Variants in ZNF480 observed in about 807,000 individuals in gnomAD.
ZNF480 encodes the protein zinc finger protein 480.
Under a neutral mutation model 14.4 loss-of-function variants are expected in ZNF480, and 15 were observed. The observed-to-expected ratio is 1.04, with a 90% CI of 0.70 to 1.60. The LOEUF (loss-of-function observed/expected upper bound fraction) is 1.60. Among genes scored for constraint, ZNF480 ranks in the 40% most tolerant of loss-of-function variants. ZNF480 has a pLI of 0.00. For missense variants in ZNF480, 593 were observed against 629.7 expected, an observed-to-expected ratio of 0.94 and a Z score of 0.62; for synonymous variants, 218 against 215.5, an observed-to-expected ratio of 1.01 and a Z score of -0.10.
At chr19:52,305,369 A>G (rs1299918792) in intron 2 of ZNF480, among the ~76,000 whole-genome samples, 1 of 152,054 alleles carries the variant, frequency 6.6e-6, no homozygotes, top group Non-Finnish European at 1.5e-5. Context: ...TAGTAATTTG[A>G]TTCACCCAGT....
At chr19:52,312,721 T>C (rs903907975) in intron 2 of ZNF480, among the ~76,000 whole-genome samples, 4 of 152,176 alleles carry the variant, frequency 2.6e-5, no homozygotes, top group Non-Finnish European at 5.9e-5. Context: ...GGGCTTTTGT[T>C]GTTATAGGAG....
chr19:52,322,991 C>A lies in ZNF480; in HGVS notation c.*133C>A. The A allele has an allele frequency of 1.5e-6, 1 of 664,684 alleles. No individual in the cohort carries two copies. The highest frequency in any genetic ancestry group is 2.3e-6 in the Non-Finnish European group (1 of 431,914). The allele number at this position is 664,684 out of a possible 1,614,324, so 41.2% of individuals were successfully genotyped here. ...ACAAGGTCTTCAAACACAAGTTTTT[C>A]TAATAACTCATTAGAGAATTTATAC... On this transcript the variant is annotated 3_prime_UTR_variant, in exon 5 of 5. Coordinates refer to ENST00000595962, the MANE Select transcript of ZNF480 (RefSeq NM_144684.4).
chr19:52,322,625 G>C lies in ZNF480; in HGVS notation c.1375G>C (p.Glu459Gln). 1 of 1,614,074 alleles carries C rather than the reference G, an allele frequency of 6.2e-7. No homozygotes were observed. The highest frequency in any genetic ancestry group is 8.5e-7 in the Non-Finnish European group (1 of 1,180,002). Residue 459 changes from glutamate (E) to glutamine (Q), a missense_variant, in exon 5 of 5, where the codon GAA becomes CAA. Physicochemically the swap from Glu to Gln is conservative, Grantham distance 29. Transcript: ENST00000595962. ...TGGAGAGAAGCCTTACAAATGTAGTGAATGTGGCAAGGCATTCAGACACAA... is the reference window on the plus strand; with the variant it reads ...TGGAGAGAAGCCTTACAAATGTAGTCAATGTGGCAAGGCATTCAGACACAA... ...HTGEKPYKCS[E>Q]CGKAFRHKLS...
Position 52,322,017 on chromosome 19 carries a change from A to G in ZNF480, c.767A>G (p.Glu256Gly), listed in dbSNP as rs1344573815. The change falls in exon 5 of 5, where the codon GAG becomes GGG. Residue 256 changes from glutamate (E) to glycine (G), a missense_variant. Physicochemically the swap from Glu to Gly is moderately conservative, Grantham distance 98. Coordinates refer to ENST00000595962, the MANE Select transcript of ZNF480 (RefSeq NM_144684.4). ...LAEHCRIHTGEKPYKCNVCGK... is the reference protein window; with the variant it reads ...LAEHCRIHTGGKPYKCNVCGK... ...GAACATTGTAGAATTCATACTGGAG[A>G]GAAACCTTACAAATGTAATGTCTGT... The G allele has an allele frequency of 6.2e-7, 1 of 1,614,076 alleles. No homozygotes were observed. Among genetic ancestry groups the G allele is most frequent in the Admixed American group, 1.7e-5 (1 of 59,990 alleles).
chr19:52,313,021 A>G (rs1347763310), intron 2 of ZNF480, among the ~76,000 whole-genome samples: 2 of 151,946 alleles, frequency 1.3e-5, no homozygotes, highest in South Asian at 2.1e-4. Flanking sequence ...GGGTTTCACC[A>G]TGTTGGCCAG....
intron 2 of ZNF480, chr19:52,301,887 T>C (rs2122515126): frequency 6.5e-6 from 1 of 154,548 alleles, no homozygotes; most frequent in Non-Finnish European, 1.4e-5. Flanking sequence ...TAAAATAGAA[T>C]GATGAGTATT....
chr19:52,310,909 G>A (rs2122536694), intron 2 of ZNF480, among the ~76,000 whole-genome samples: 1 of 150,800 alleles, frequency 6.6e-6, no homozygotes, highest in South Asian at 2.1e-4. Flanking sequence ...GGAGGCTGAG[G>A]CAGGAGAATG....
chr19:52,312,647 G>A (rs1282074100), intron 2 of ZNF480, among the ~76,000 whole-genome samples: 1 of 152,124 alleles, frequency 6.6e-6, no homozygotes, highest in Non-Finnish European at 1.5e-5. Context: ...CCTGGGGCGA[G>A]TTTCTTAGGG....
At chr19:52,309,790 G>A (rs936973690) in intron 2 of ZNF480, among the ~76,000 whole-genome samples, 2 of 152,164 alleles carry the variant, frequency 1.3e-5, no homozygotes, top group South Asian at 2.1e-4. Context: ...GTTGGCCCAC[G>A]TATTCTTGTT....
Position 52,305,522 on chromosome 19 carries a change from A to T in ZNF480, c.72+5038A>T, listed in dbSNP as rs1324997453. Among the ~76,000 whole-genome samples, 8 of 152,300 alleles carry T rather than the reference A, an allele frequency of 5.3e-5. No individual in the cohort carries two copies. The East Asian group carries it at 9.6e-4, about 18-fold the overall frequency. ...GCTCTGCTTTCCAGGGAACAGAAGTAGATATAACAATTTAAATTTCCCCAT... is the reference window on the plus strand; with the variant it reads ...GCTCTGCTTTCCAGGGAACAGAAGTTGATATAACAATTTAAATTTCCCCAT... On this transcript the variant is annotated intron_variant, in intron 2 of 4. Coordinates refer to ENST00000595962, the MANE Select transcript of ZNF480 (RefSeq NM_144684.4).
chr19:52,304,685 C>T (rs1982845614), intron 2 of ZNF480, among the ~76,000 whole-genome samples: 1 of 152,046 alleles, frequency 6.6e-6, no homozygotes, highest in African/African-American at 2.4e-5. Flanking sequence ...ATGCCAGGCA[C>T]ATACCCCATC....
Position 52,314,181 on chromosome 19 carries a change from T to A in ZNF480, c.101T>A (p.Ile34Lys), listed in dbSNP as rs1228693961. 1 of 1,579,054 alleles carries A rather than the reference T, an allele frequency of 6.3e-7. No individual in the cohort carries two copies. Among genetic ancestry groups the A allele is most frequent in the South Asian group, 1.1e-5 (1 of 90,776 alleles). The part of the protein sequence containing the change: ...QGHLTFRDVA[I>K]EFSQAEWKCL... The stretch of plus-strand genomic sequence containing the variant: ...CACTTAACATTCAGGGACGTGGCCA[T>A]AGAATTCTCTCAGGCGGAGTGGAAA... The change falls in exon 3 of 5, where the codon ATA becomes AAA. Residue 34 changes from isoleucine (I) to lysine (K), a missense_variant. Ile to Lys is a moderately radical substitution (Grantham distance 102). Transcript: ENST00000595962.
intron 2 of ZNF480, among the ~76,000 whole-genome samples, chr19:52,309,120 T>G (rs1983145881): frequency 6.6e-6 from 1 of 152,230 alleles, no homozygotes; most frequent in South Asian, 2.1e-4. Flanking sequence ...GTGATTGTTT[T>G]ATGATACTTT....
intron 1 of ZNF480, among the ~76,000 whole-genome samples, chr19:52,299,402 C>A (rs1274410267): frequency 1.3e-5 from 2 of 152,180 alleles, no homozygotes; most frequent in East Asian, 3.8e-4. Context: ...TCAGATCCCA[C>A]AGGTTGGGGG....
chr19:52,301,234 A>T (rs1051110323), intron 2 of ZNF480: 1 of 152,422 alleles, frequency 6.6e-6, no homozygotes, highest in Non-Finnish European at 1.5e-5. Flanking sequence ...CACAATCATC[A>T]TTGAAATCAG....
chr19:52,307,117 C>T (rs559048682), intron 2 of ZNF480, among the ~76,000 whole-genome samples: 1 of 152,268 alleles, frequency 6.6e-6, no homozygotes, highest in South Asian at 2.1e-4. Flanking sequence ...CCCACACTGA[C>T]CAGACAGTTA....
chr19:52,311,205 C>CGGGGTTG (rs1983268161), intron 2 of ZNF480, among the ~76,000 whole-genome samples: 1 of 151,654 alleles, frequency 6.6e-6, no homozygotes, highest in Admixed American at 6.6e-5. Context: ...TTATGTAAGT[C>CGGGGTTG]AGGGTTGATC....
chr19:52,309,079 C>T (rs760852017), intron 2 of ZNF480, among the ~76,000 whole-genome samples: 20 of 152,138 alleles, frequency 1.3e-4, no homozygotes, highest in Admixed American at 2.6e-4. Flanking sequence ...TATATGTATA[C>T]AGCATTGTGG....
chr19:52,313,033 A>T (rs911504419), intron 2 of ZNF480, among the ~76,000 whole-genome samples: 1 of 150,510 alleles, frequency 6.6e-6, no homozygotes, highest in Non-Finnish European at 1.5e-5. Context: ...GTTGGCCAGG[A>T]TGGTCTTGAA....
Sources: allele counts gnomAD v4.1 joint callset (sites outside exome capture counted in the v4.1 genomes callset), GRCh38; gene constraint gnomAD v4.1.1; transcripts MANE v1.5; gene names NCBI Gene and HGNC (gene_info 2026-07-23, HGNC 2026-07-21).